The following OTOGL variants were observed in gnomAD, a reference collection of about 807,000 sequenced individuals.
OTOGL encodes otogelin-like protein.
OTOGL carries 285 observed loss-of-function variants against 318.5 expected under a neutral mutation model. That is an observed-to-expected ratio of 0.89 (90% CI 0.81 to 0.99). The LOEUF is 0.99. OTOGL is among the 50% of genes least tolerant of loss of function. The pLI is 0.00. For missense variants in OTOGL, 2,899 were observed against 2,845.6 expected (o/e 1.02, Z -0.43); for synonymous variants, 987 against 936.5 (o/e 1.05, Z -0.99).
chr12:80,229,448 GGAA>G, intron 8 of OTOGL, 70 bp downstream of exon 8: 1 of 1,491,402 alleles, frequency 6.7e-7, no homozygotes, highest in Non-Finnish European at 9.2e-7. Context: ...ATCACATGCT[GGAA>G]GTGAACTGTG....
chr12:80,275,726 A>G (rs1472599831), intron 24 of OTOGL, among the ~76,000 whole-genome samples: 3 of 151,854 alleles, frequency 2.0e-5, no homozygotes, highest in Non-Finnish European at 4.4e-5. Flanking sequence ...TGCCACAGAT[A>G]TCCCAGCCTT....
intron 26 of OTOGL, among the ~76,000 whole-genome samples, chr12:80,279,508 C>T (rs1884058175): frequency 6.6e-6 from 1 of 151,380 alleles, no homozygotes; most frequent in Non-Finnish European, 1.5e-5. Flanking sequence ...CCATATATAC[C>T]CAATGTTTAG....
intron 22 of OTOGL, among the ~76,000 whole-genome samples, chr12:80,268,392 A>G (rs1267901778): frequency 6.6e-6 from 1 of 152,122 alleles, no homozygotes; most frequent in African/African-American, 2.4e-5. Flanking sequence ...TGGCTAAGGA[A>G]CCTGATACTA....
intron 1 of OTOGL, among the ~76,000 whole-genome samples, chr12:80,118,355 C>A (rs1184101700): frequency 2.0e-5 from 3 of 152,150 alleles, no homozygotes; most frequent in Non-Finnish European, 4.4e-5. Flanking sequence ...GCTGATTTTG[C>A]AATGATGGGT....
chr12:80,276,409 TG>T (rs1883812698), intron 24 of OTOGL, among the ~76,000 whole-genome samples: 1 of 151,800 alleles, frequency 6.6e-6, no homozygotes, highest in African/African-American at 2.4e-5. Context: ...ATATTAGTTT[TG>T]TTATTGTTCT....
At chr12:80,163,160 A>T (rs937070841) in intron 1 of OTOGL, among the ~76,000 whole-genome samples, 1 of 152,066 alleles carries the variant, frequency 6.6e-6, no homozygotes, top group Non-Finnish European at 1.5e-5. Flanking sequence ...ATTTAACTTA[A>T]TTATAAGTTG....
At chr12:80,204,783 GTTTAC>G (rs1329375956) in intron 1 of OTOGL, among the ~76,000 whole-genome samples, 1 of 152,130 alleles carries the variant, frequency 6.6e-6, no homozygotes, top group East Asian at 1.9e-4. Flanking sequence ...ACTGGACTTG[GTTTAC>G]TTTACTTTAT....
intron 4 of OTOGL, among the ~76,000 whole-genome samples, chr12:80,213,754 CAT>C (rs761603841): frequency 2.6e-4 from 39 of 152,240 alleles, no homozygotes; most frequent in Admixed American, 4.6e-4. Context: ...GGCTAGAAAA[CAT>C]GTGTCAAAAT....
intron 1 of OTOGL, among the ~76,000 whole-genome samples, chr12:80,181,894 T>C (rs1874948351): frequency 6.6e-6 from 1 of 152,188 alleles, no homozygotes; most frequent in African/African-American, 2.4e-5. Context: ...CTGGGCATGG[T>C]GGCTTACATC....
chr12:80,134,499 A>T (rs1871426889), intron 1 of OTOGL, among the ~76,000 whole-genome samples: 1 of 152,224 alleles, frequency 6.6e-6, no homozygotes, highest in Non-Finnish European at 1.5e-5. Flanking sequence ...AAGGAATGAC[A>T]TGTGATTTTG....
chr12:80,280,718 A>C (rs141057755), intron 26 of OTOGL, among the ~76,000 whole-genome samples: 259 of 151,898 alleles, frequency 1.7e-3, no homozygotes, highest in African/African-American at 5.8e-3. Context: ...GGAGTTGGGT[A>C]GTTTGATGCT....
rs1352947931 is a variant in OTOGL, at chr12:80,296,878, G to A, written c.2980G>A (p.Asp994Asn). The A allele has an allele frequency of 1.3e-6, 2 of 1,530,262 alleles. No homozygotes were observed. The highest frequency in any genetic ancestry group is 1.8e-6 in the Non-Finnish European group (2 of 1,140,028). The allele number at this position is 1,530,262 out of a possible 1,614,324, so 94.8% of individuals were successfully genotyped here. The change falls in exon 27 of 59, where the codon GAC becomes AAC. Residue 994 changes from aspartate (D) to asparagine (N), a missense_variant. Coordinates refer to ENST00000547103, the MANE Select transcript of OTOGL (RefSeq NM_001378609.3). Reference protein sequence around the residue: ...SVIAQNKKCFDNDIVCSKSVL... With the variant: ...SVIAQNKKCFNNDIVCSKSVL... ...CATTGCCCAGAACAAGAAATGCTTT[G>A]ACAACGATATTGTTTGTTCTAAAAG...
chr12:80,331,333 ATTTTT>A (rs386377119), intron 37 of OTOGL, among the ~76,000 whole-genome samples: 1 of 81,814 alleles, frequency 1.2e-5, no homozygotes, highest in African/African-American at 4.8e-5. Flanking sequence ...AGTCATTAGA[ATTTTT>A]TTTTTTTTTT....
At chr12:80,183,643 G>A (rs1053127437) in intron 1 of OTOGL, among the ~76,000 whole-genome samples, 1 of 152,230 alleles carries the variant, frequency 6.6e-6, no homozygotes, top group African/African-American at 2.4e-5. Flanking sequence ...CACATTGGTA[G>A]TTGTAAAAGA....
At chr12:80,290,252 T>C (rs1039061649) in intron 26 of OTOGL, among the ~76,000 whole-genome samples, 4 of 151,780 alleles carry the variant, frequency 2.6e-5, no homozygotes, top group African/African-American at 9.7e-5. Context: ...AGAGATGAAC[T>C]GGGTAACTCA....
At chr12:80,152,972 G>A (rs1020771188) in intron 1 of OTOGL, among the ~76,000 whole-genome samples, 3 of 152,134 alleles carry the variant, frequency 2.0e-5, no homozygotes, top group African/African-American at 7.2e-5. Context: ...GGGATTACAG[G>A]CATGAGCAAC....
intron 4 of OTOGL, among the ~76,000 whole-genome samples, chr12:80,213,831 T>A (rs928968549): frequency 5.9e-5 from 9 of 152,180 alleles, no homozygotes; most frequent in Non-Finnish European, 1.0e-4. Flanking sequence ...TGCACTGAGC[T>A]GTTTAGAATT....
intron 49 of OTOGL, 70 bp from the exon 50 acceptor site, chr12:80,358,178 A>G: frequency 1.0e-6 from 1 of 968,768 alleles, no homozygotes; most frequent in Admixed American, 2.1e-5. Flanking sequence ...TGTGTATGGT[A>G]ATTTAAACTC....
intron 26 of OTOGL, among the ~76,000 whole-genome samples, chr12:80,289,191 C>A (rs193172370): frequency 1.3e-5 from 2 of 152,286 alleles, no homozygotes; most frequent in Admixed American, 1.3e-4. Context: ...GAGGTTTACT[C>A]CAAACCCTGC....
Sources: gnomAD v4.1 joint callset for allele counts (sites outside exome capture counted in the v4.1 genomes callset) on GRCh38, gnomAD v4.1.1 for gene constraint, MANE v1.5 for transcripts, NCBI Gene and HGNC (gene_info 2026-07-23, HGNC 2026-07-21) for gene names.